The following KDM4C variants were observed in gnomAD, a reference collection of about 807,000 sequenced individuals.
KDM4C encodes the protein lysine-specific demethylase 4C.
In KDM4C, 81 loss-of-function variants were observed where a neutral mutation model predicts 129.3. The ratio of observed to expected loss-of-function variants is 0.63; its 90% CI spans 0.52 to 0.75. The LOEUF (loss-of-function observed/expected upper bound fraction) is 0.75, where lower values mean the gene tolerates loss of function less well. Among genes scored for constraint, KDM4C ranks in the 30% least tolerant of loss-of-function variants. The pLI is 0.00. For synonymous variants in KDM4C, 573 were observed against 456.1 expected (o/e 1.26, Z -3.26); for missense variants, 1,457 against 1,304.0 (o/e 1.12, Z -1.81).
At chr9:6,934,307 C>T (rs1353219877) in intron 8 of KDM4C, among the ~76,000 whole-genome samples, 2 of 151,328 alleles carry the variant, frequency 1.3e-5, no homozygotes, top group Non-Finnish European at 2.9e-5. Flanking sequence ...TGGTGAAAAC[C>T]TGTCTCCACT....
At chr9:7,014,110 C>G (rs1823210021) in intron 14 of KDM4C, 109 bp downstream of exon 14, 1 of 791,492 alleles carries the variant, frequency 1.3e-6, no homozygotes, top group East Asian at 2.5e-5. Context: ...TATTGGCATT[C>G]TTAATGGTTA....
At chr9:6,965,839 G>C (rs1245837693) in intron 8 of KDM4C, among the ~76,000 whole-genome samples, 2 of 152,136 alleles carry the variant, frequency 1.3e-5, no homozygotes, top group African/African-American at 4.8e-5. Flanking sequence ...CAAGTATCTA[G>C]AAACACCCTT....
intron 19 of KDM4C, among the ~76,000 whole-genome samples, chr9:7,158,260 T>A (rs1411846491): frequency 6.6e-6 from 1 of 152,192 alleles, no homozygotes; most frequent in Non-Finnish European, 1.5e-5. Context: ...TTTACTATTC[T>A]TGCTAGCGGT....
At chr9:6,932,104 T>C (rs969193088) in intron 8 of KDM4C, among the ~76,000 whole-genome samples, 1 of 152,116 alleles carries the variant, frequency 6.6e-6, no homozygotes, top group Non-Finnish European at 1.5e-5. Flanking sequence ...CCTTGGTGTT[T>C]GGGGTGGGGC....
chr9:6,736,505 G>A (rs933806036), intron 1 of KDM4C, among the ~76,000 whole-genome samples: 1 of 152,070 alleles, frequency 6.6e-6, no homozygotes, highest in African/African-American at 2.4e-5. Context: ...TGACTAAAAG[G>A]GGCCAAGGTA....
chr9:7,168,905 C>T (rs887742395), intron 20 of KDM4C, among the ~76,000 whole-genome samples: 6 of 151,910 alleles, frequency 3.9e-5, no homozygotes, highest in Non-Finnish European at 8.8e-5. Context: ...AATAGCTGGG[C>T]GTTGTGGCAC....
chr9:7,014,867 T>A (rs12380879), intron 14 of KDM4C, among the ~76,000 whole-genome samples: 1 of 151,286 alleles, frequency 6.6e-6, no homozygotes, highest in Non-Finnish European at 1.5e-5. Context: ...TGCTATCTGC[T>A]TGAAATATAA....
chr9:6,821,921 T>A (rs1053407642), intron 4 of KDM4C, among the ~76,000 whole-genome samples: 1 of 152,176 alleles, frequency 6.6e-6, no homozygotes, highest in South Asian at 2.1e-4. Context: ...AGGCGTGAGC[T>A]GCTGTGCCCG....
chr9:6,768,802 T>A (rs1183246361), intron 1 of KDM4C, among the ~76,000 whole-genome samples: 3 of 152,072 alleles, frequency 2.0e-5, no homozygotes, highest in African/African-American at 7.2e-5. Flanking sequence ...AGAGGGAGTT[T>A]CACTCTGTTG....
intron 19 of KDM4C, among the ~76,000 whole-genome samples, chr9:7,156,418 A>G (rs906036092): frequency 4.6e-5 from 7 of 152,204 alleles, no homozygotes; most frequent in Non-Finnish European, 1.0e-4. Flanking sequence ...TTAGTCATGA[A>G]GTCCTTGGCC....
At chr9:6,805,018 A>C (rs1307244558) in intron 2 of KDM4C, among the ~76,000 whole-genome samples, 1 of 151,908 alleles carries the variant, frequency 6.6e-6, no homozygotes, top group Non-Finnish European at 1.5e-5. Flanking sequence ...CTCCTGCCTC[A>C]GCCTCCCGGG....
chr9:6,826,993 C>G (rs556615170), intron 4 of KDM4C, among the ~76,000 whole-genome samples: 3 of 152,034 alleles, frequency 2.0e-5, no homozygotes, highest in Non-Finnish European at 4.4e-5. Flanking sequence ...GAGAGTATGA[C>G]AGCTCCTGAT....
At chr9:6,962,410 G>A (rs1282411745) in intron 8 of KDM4C, among the ~76,000 whole-genome samples, 1 of 152,196 alleles carries the variant, frequency 6.6e-6, no homozygotes, top group Non-Finnish European at 1.5e-5. Context: ...GTTCAGATGA[G>A]TTAAGGATAA....
chr9:6,831,275 G>A (rs1485923802), intron 4 of KDM4C, among the ~76,000 whole-genome samples: 1 of 152,142 alleles, frequency 6.6e-6, no homozygotes, highest in East Asian at 1.9e-4. Context: ...TTTGAGGTAA[G>A]TAGCCTGGGG....
chr9:6,799,630 C>G (rs2130950123), intron 2 of KDM4C, among the ~76,000 whole-genome samples: 1 of 138,376 alleles, frequency 7.2e-6, no homozygotes, highest in East Asian at 2.1e-4. Context: ...GGAGAGGGCT[C>G]TTTTTTCTTT....
chr9:6,770,756 C>T (rs1271544192), intron 1 of KDM4C, among the ~76,000 whole-genome samples: 2 of 94,660 alleles, frequency 2.1e-5, no homozygotes, highest in East Asian at 2.6e-4. Flanking sequence ...ATGGTTTTTG[C>T]GATTTTGATC....
At chr9:6,898,732 T>C (rs1437140781) in intron 8 of KDM4C, among the ~76,000 whole-genome samples, 1 of 152,238 alleles carries the variant, frequency 6.6e-6, no homozygotes, top group East Asian at 1.9e-4. Flanking sequence ...GGGTTCATTC[T>C]ATTTTATATT....
At chr9:7,122,457 C>A (rs1424151680) in intron 18 of KDM4C, among the ~76,000 whole-genome samples, 1 of 152,136 alleles carries the variant, frequency 6.6e-6, no homozygotes, top group African/African-American at 2.4e-5. Flanking sequence ...CAAACCATAT[C>A]ACCTGTCATG....
intron 1 of KDM4C, among the ~76,000 whole-genome samples, chr9:6,746,596 T>C (rs1588059104): frequency 6.6e-6 from 1 of 151,496 alleles, no homozygotes; most frequent in South Asian, 2.1e-4. Flanking sequence ...CAGAAAAGTT[T>C]AGGCCAAGTG....
Sources: allele counts gnomAD v4.1 joint callset (sites outside exome capture counted in the v4.1 genomes callset), GRCh38; gene constraint gnomAD v4.1.1; transcripts MANE v1.5; gene names NCBI Gene and HGNC (gene_info 2026-07-23, HGNC 2026-07-21).